Variants in UTS2B observed in about 807,000 individuals in gnomAD.
The protein encoded by UTS2B is urotensin-2B.
Under a neutral mutation model 19.2 loss-of-function variants are expected in UTS2B, and 21 were observed. That is an observed-to-expected ratio of 1.09 (90% CI 0.78 to 1.58). The LOEUF (loss-of-function observed/expected upper bound fraction) is 1.58. Among genes scored for constraint, UTS2B ranks in the 40% most tolerant of loss-of-function variants. The pLI is 0.00. For missense variants in UTS2B, 138 were observed against 130.3 expected (o/e 1.06, Z -0.29); for synonymous variants, 57 against 50.2 (o/e 1.14, Z -0.58).
At chr3:191,305,452 C>T (rs1717111247) in intron 3 of UTS2B, among the ~76,000 whole-genome samples, 1 of 152,040 alleles carries the variant, frequency 6.6e-6, no homozygotes, top group Admixed American at 6.6e-5. Context: ...AATTCTTGGC[C>T]ACATGCATGT....
intron 4 of UTS2B, among the ~76,000 whole-genome samples, chr3:191,302,538 T>C (rs1385965377): frequency 6.6e-6 from 1 of 152,200 alleles, no homozygotes; most frequent in African/African-American, 2.4e-5. Flanking sequence ...CCATGTGGCC[T>C]CCCAGGCTGA....
At chr3:191,290,276 T>C (rs1045783086) in intron 4 of UTS2B, among the ~76,000 whole-genome samples, 8 of 152,224 alleles carry the variant, frequency 5.3e-5, no homozygotes, top group African/African-American at 1.9e-4. Flanking sequence ...ATCGATTGTA[T>C]TGGATGGATA....
chr3:191,293,783 T>C (rs1169945811), intron 4 of UTS2B, among the ~76,000 whole-genome samples: 1 of 151,834 alleles, frequency 6.6e-6, no homozygotes, highest in Admixed American at 6.6e-5. Flanking sequence ...CAATAGTGGT[T>C]GAGAACATGA....
chr3:191,271,813 A>T (rs895133382), intron 8 of UTS2B, among the ~76,000 whole-genome samples: 4 of 152,222 alleles, frequency 2.6e-5, no homozygotes, highest in Admixed American at 6.5e-5. Context: ...AAGATATAAG[A>T]TTCATATTCA....
intron 4 of UTS2B, among the ~76,000 whole-genome samples, chr3:191,288,208 T>C (rs1490615400): frequency 6.6e-6 from 1 of 152,180 alleles, no homozygotes; most frequent in Non-Finnish European, 1.5e-5. Flanking sequence ...CCAAAAGTGA[T>C]GTATAGCTTC....
At chr3:191,337,475 G>T in the UTS2B span, among the ~76,000 whole-genome samples, 1 of 151,694 alleles carries the variant, frequency 6.6e-6, no homozygotes, top group Non-Finnish European at 1.5e-5. Flanking sequence ...CTCCCGAGTA[G>T]CTGGGATTAC....
chr3:191,310,406 C>G (rs1242489735), intron 3 of UTS2B, among the ~76,000 whole-genome samples: 1 of 152,138 alleles, frequency 6.6e-6, no homozygotes, highest in African/African-American at 2.4e-5. Context: ...AAAGGTCAAG[C>G]ACACTTAATG....
chr3:191,336,853 G>A, the UTS2B span, among the ~76,000 whole-genome samples: 1 of 152,200 alleles, frequency 6.6e-6, no homozygotes, highest in Non-Finnish European at 1.5e-5. Context: ...TAAAGAATGA[G>A]CAGTAATCCT....
In UTS2B at chr3:191,314,475, T is replaced by G. The variant is rs149895228; in HGVS notation, c.-182+1561A>C. Among the ~76,000 whole-genome samples, 595 of 152,320 alleles carry G rather than the reference T, an allele frequency of 3.9e-3. 5 individuals carry two copies. The highest frequency in any genetic ancestry group is 0.014 in the African/African-American group (571 of 41,580). On this transcript the variant is annotated intron_variant, in intron 3 of 8. Coordinates refer to ENST00000340524, the MANE Select transcript of UTS2B (RefSeq NM_198152.5). ...TGAGAGGCTAAATTTCATGTGTTAC[T>G]CTTCTCTCATGGGTCATTGTGATAT...
Position 191,328,700 on chromosome 3 carries a change from G to A in UTS2B, c.-655C>T, listed in dbSNP as rs189155301. 32 of 152,348 alleles carry A rather than the reference G, an allele frequency of 2.1e-4. No individual in the cohort carries two copies. Among genetic ancestry groups the A allele is most frequent in the Middle Eastern group, 3.4e-3 (1 of 294 alleles). The allele number at this position is 152,348 out of a possible 1,614,324, so 9.4% of individuals were successfully genotyped here. On this transcript the variant is annotated 5_prime_UTR_variant, in exon 2 of 9. Transcript: ENST00000340524. The stretch of plus-strand genomic sequence containing the variant: ...ATTCTGTTGCCAGGAGATGAAACAG[G>A]AGAGGTTGTCTATTTTAGAGAGATA...
rs796791217 is a variant in UTS2B at position 191,329,946 on chromosome 3, G to C, written c.-665+468C>G. On this transcript the variant is annotated intron_variant, in intron 1 of 8. Transcript: ENST00000340524. ...GTTTTTTCTCAAGGGGGTGGTTGGG[G>C]GGGGGGGGGGCTAGCAGCAGCCCCA... Among the ~76,000 whole-genome samples the C allele has an allele frequency of 0.019, 1,866 of 100,128 alleles. 82 individuals carry two copies. Among genetic ancestry groups the C allele is most frequent in the African/African-American group, 0.11 (1,754 of 16,666 alleles). 65.7% of individuals were successfully genotyped at this position (100,128 alleles called of 152,430 possible).
Position 191,287,371 on chromosome 3 carries a change from C to G in UTS2B, c.-124-5058G>C, listed in dbSNP as rs767095659. Among the ~76,000 whole-genome samples the G allele has an allele frequency of 2.0e-5, 3 of 152,098 alleles. No homozygotes were observed. In the East Asian group the frequency reaches 5.8e-4, roughly 29 times the overall value. On this transcript the variant is annotated intron_variant, in intron 4 of 8. Transcript: ENST00000340524. ...AATCCTCAGCAAAATACTAACAAACCAAGATCAACAACACGTTAAAATGAT... is the reference window on the plus strand; with the variant it reads ...AATCCTCAGCAAAATACTAACAAACGAAGATCAACAACACGTTAAAATGAT...
intron 2 of UTS2B, among the ~76,000 whole-genome samples, chr3:191,327,012 C>T (rs1335853393): frequency 3.9e-5 from 6 of 152,198 alleles, no homozygotes; most frequent in Admixed American, 1.3e-4. Context: ...CATTTCTTCT[C>T]TAGGCCAGAA....
intron 4 of UTS2B, among the ~76,000 whole-genome samples, chr3:191,284,469 G>C (rs1364183628): frequency 6.6e-6 from 1 of 151,694 alleles, no homozygotes; most frequent in Non-Finnish European, 1.5e-5. Flanking sequence ...TTACAGGCTA[G>C]CACCACCATG....
the UTS2B span, among the ~76,000 whole-genome samples, chr3:191,336,845 A>C: frequency 5.3e-5 from 8 of 152,238 alleles, no homozygotes; most frequent in Non-Finnish European, 1.0e-4. Context: ...TTATCTGATA[A>C]AGAATGAGCA....
chr3:191,329,523 G>A lies in UTS2B; in HGVS notation c.-664-814C>T, dbSNP rs1048432251. ...CCCGCTGCTTTGGTCACCAGCCCCT[G>A]CCCGCCCGACCCGCTCCGTTCTCCG... On this transcript the variant is annotated intron_variant, in intron 1 of 8. Transcript: ENST00000340524. 2.7e-5 allele frequency: 18 copies of A among 667,426 alleles called. 1 individual carries two copies. In the East Asian group the frequency reaches 5.5e-4, roughly 21 times the overall value. The allele number at this position is 667,426 out of a possible 1,614,324, so 41.3% of individuals were successfully genotyped here.
intron 3 of UTS2B, among the ~76,000 whole-genome samples, chr3:191,315,233 G>A (rs1308517801): frequency 2.6e-5 from 4 of 152,032 alleles, no homozygotes; most frequent in Non-Finnish European, 5.9e-5. Context: ...GGCTGGTCTC[G>A]AACTCCTGAC....
At chr3:191,318,492 G>C (rs9854523) in intron 2 of UTS2B, among the ~76,000 whole-genome samples, 1,672 of 152,118 alleles carry the variant, frequency 0.011, 30 homozygotes, top group African/African-American at 0.037. Context: ...TTTTTGAGAC[G>C]CAATCTCACT....
the UTS2B span, among the ~76,000 whole-genome samples, chr3:191,344,383 A>G: frequency 1.3e-5 from 2 of 152,254 alleles, no homozygotes; most frequent in African/African-American, 4.8e-5. Context: ...ATTTAGCACT[A>G]GGAATATGAT....
Sources: allele counts gnomAD v4.1 joint callset (sites outside exome capture counted in the v4.1 genomes callset), GRCh38; gene constraint gnomAD v4.1.1; transcripts MANE v1.5; gene names NCBI Gene and HGNC (gene_info 2026-07-23, HGNC 2026-07-21).